The following ZNF592 variants were observed in gnomAD, a reference collection of about 807,000 sequenced individuals.
The protein encoded by ZNF592 is zinc finger protein 592, also known as spinocerebellar ataxia, autosomal recessive 5.
In ZNF592, 11 loss-of-function variants were observed where a neutral mutation model predicts 80.3. The observed-to-expected ratio is 0.14, with a 90% CI of 0.09 to 0.23. ZNF592 has a LOEUF of 0.23. Ranked by LOEUF, ZNF592 falls within the 10% of genes least tolerant of loss-of-function variation. The pLI, the probability that ZNF592 is intolerant of heterozygous loss-of-function variation, is 1.00. For missense variants in ZNF592, 1,420 were observed against 1,633.9 expected, an observed-to-expected ratio of 0.87 and a Z score of 2.26; for synonymous variants, 646 against 640.3, an observed-to-expected ratio of 1.01 and a Z score of -0.13.
chr15:84,796,282 TATATATATATATAAA>T (rs1962916959), intron 5 of ZNF592, among the ~76,000 whole-genome samples: 1 of 52,330 alleles, frequency 1.9e-5, no homozygotes, highest in Non-Finnish European at 3.1e-5. Context: ...TATATATATA[TATATATATATATAAA>T]AAAACGAAGG....
chr15:84,793,946 T>G (rs1367154215), intron 5 of ZNF592, among the ~76,000 whole-genome samples: 1 of 152,164 alleles, frequency 6.6e-6, no homozygotes, highest in East Asian at 1.9e-4. Flanking sequence ...GAATAATGAA[T>G]AATATGAATA....
chr15:84,798,408 C>T lies in ZNF592; in HGVS notation c.2670C>T (p.Gly890=). 6.2e-7 allele frequency: 1 copy of T among 1,614,132 alleles called. No individual in the cohort carries two copies. Among genetic ancestry groups the T allele is most frequent in the Non-Finnish European group, 8.5e-7 (1 of 1,180,014 alleles). ...AGAATGTCAGCAAGACGCAGGTGGG[C>T]GTCTTCAAGTGCCCTGAGTGCCCAC... ...FYQNVSKTQV[G]VFKCPECPLL... The change falls in exon 7 of 11, where the codon GGC becomes GGT. Residue 890 remains glycine (G), a synonymous_variant. Coordinates refer to ENST00000560079, the MANE Select transcript of ZNF592 (RefSeq NM_014630.3). The surrounding 1 kb of genome is among the most constrained non-coding windows in gnomAD (Gnocchi z 4.5).
chr15:84,784,874 A>C lies in ZNF592; in HGVS notation c.2199A>C (p.Thr733=). Residue 733 remains threonine (T), a synonymous_variant, in exon 4 of 11, where the codon ACA becomes ACC. Coordinates refer to ENST00000560079, the MANE Select transcript of ZNF592 (RefSeq NM_014630.3). This position sits in a 1 kb window ranked among gnomAD's most constrained non-coding sequence, Gnocchi z 5.8. Reference sequence around the variant, plus strand: ...TCCTGGCTGCACATTTCCAGAGGACAACAGAGGAGACAGAGGGGCTGGTAA... The same window carrying C: ...TCCTGGCTGCACATTTCCAGAGGACCACAGAGGAGACAGAGGGGCTGGTAA... The part of the protein sequence containing the change: ...YMVLAAHFQR[T]TEETEGLTCQ... The C allele has an allele frequency of 6.2e-7, 1 of 1,614,140 alleles. No homozygotes were observed. Among genetic ancestry groups the C allele is most frequent in the Non-Finnish European group, 8.5e-7 (1 of 1,180,028 alleles).
At chr15:84,757,626 T>C (rs1442667501) in intron 1 of ZNF592, among the ~76,000 whole-genome samples, 3 of 152,006 alleles carry the variant, frequency 2.0e-5, no homozygotes, top group African/African-American at 7.3e-5. Flanking sequence ...AATGTGGGAT[T>C]ACAGGTGTGA....
At chr15:84,787,971 A>C (rs536202586) in intron 4 of ZNF592, among the ~76,000 whole-genome samples, 1 of 152,202 alleles carries the variant, frequency 6.6e-6, no homozygotes, top group Non-Finnish European at 1.5e-5. Flanking sequence ...TTCCAGAACA[A>C]TTCTGGGTTT....
At chr15:84,758,372 A>G (rs977034691) in intron 1 of ZNF592, among the ~76,000 whole-genome samples, 41 of 151,244 alleles carry the variant, frequency 2.7e-4, no homozygotes, top group Admixed American at 2.6e-3. Context: ...AGCTTTGACC[A>G]ACCAGGCTTA....
At chr15:84,758,858 C>G (rs983908856) in intron 1 of ZNF592, among the ~76,000 whole-genome samples, 10 of 151,888 alleles carry the variant, frequency 6.6e-5, no homozygotes, top group Admixed American at 5.9e-4. Context: ...GCTGGGAAGT[C>G]TAGGATGTAG....
Position 84,798,028 on chromosome 15 carries a change from GC to G in ZNF592, c.2563del (p.His855ThrfsTer53), listed in dbSNP as rs1567077230. ...DHSATQHPTQ[P>X]HRPSQLIYKC... ...ACAGTGCCACCCAGCACCCCACCCA[GC>G]CCCACAGACCCTCCCAGTGAGTGCA... On this transcript the variant is annotated frameshift_variant, in exon 6 of 11. Transcript: ENST00000560079. LOFTEE classifies it high-confidence loss of function. The surrounding 1 kb of genome is among the most constrained non-coding windows in gnomAD (Gnocchi z 4.5). 6.2e-7 allele frequency: 1 copy of G among 1,613,928 alleles called. No homozygotes were observed. The highest frequency in any genetic ancestry group is 8.5e-7 in the Non-Finnish European group (1 of 1,180,024).
chr15:84,768,059 TAA>T (rs373015497), intron 2 of ZNF592, among the ~76,000 whole-genome samples: 24,873 of 142,786 alleles, frequency 0.17, 2,935 homozygotes, highest in Middle Eastern at 0.33. Flanking sequence ...ATTTTAATTT[TAA>T]TTTTTTTTTT....
Position 84,805,303 on chromosome 15 carries a change from A to G in ZNF592, c.*2910A>G, listed in dbSNP as rs1446496976. The G allele has an allele frequency of 6.6e-6, 1 of 152,216 alleles. No homozygotes were observed. The highest frequency in any genetic ancestry group is 1.9e-4 in the East Asian group (1 of 5,202). The allele number at this position is 152,216 out of a possible 1,614,324, so 9.4% of individuals were successfully genotyped here. On this transcript the variant is annotated 3_prime_UTR_variant, in exon 11 of 11. Transcript: ENST00000560079. ...CTCACAGGGAACACACAGTTCCCTC[A>G]GAGTCCAGCATCTTCTGGTCTTTTC...
intron 1 of ZNF592, among the ~76,000 whole-genome samples, chr15:84,752,517 T>C (rs1899042456): frequency 6.6e-6 from 1 of 152,162 alleles, no homozygotes; most frequent in Non-Finnish European, 1.5e-5. Context: ...AAGAACATTC[T>C]AGGTAGATAG....
chr15:84,790,316 C>G lies in ZNF592; in HGVS notation c.2221-389C>G, dbSNP rs78824736. Among the ~76,000 whole-genome samples the G allele has an allele frequency of 8.4e-3, 1,278 of 152,222 alleles. 15 individuals are homozygous for G. Among genetic ancestry groups the G allele is most frequent in the African/African-American group, 0.029 (1,211 of 41,524 alleles). On this transcript the variant is annotated intron_variant, in intron 4 of 10. Coordinates refer to ENST00000560079, the MANE Select transcript of ZNF592 (RefSeq NM_014630.3). ...TGGGGGTAGATGGCAAGAACTGCCT[C>G]TACTGAGCTGTGACAGAGACCCTGG...
At chr15:84,797,792 C>G in intron 5 of ZNF592, 77 bp from the exon 6 acceptor site, 1 of 1,540,400 alleles carries the variant, frequency 6.5e-7, no homozygotes, top group Non-Finnish European at 9.0e-7. Context: ...TTCTCCATCC[C>G]TCCTCTTGCA....
rs746146364 is a variant in ZNF592 at position 84,797,865 on chromosome 15, C to T, written c.2400-4C>T. The T allele has an allele frequency of 1.9e-6, 3 of 1,614,220 alleles. No homozygotes were observed. The highest frequency in any genetic ancestry group is 2.5e-6 in the Non-Finnish European group (3 of 1,180,034). ...CACACTCACACTACCCCACTTCTGTCTAGGTGCATCCACTGTGGTGTCGTC... is the reference window on the plus strand; with the variant it reads ...CACACTCACACTACCCCACTTCTGTTTAGGTGCATCCACTGTGGTGTCGTC... On this transcript the variant is annotated splice_region_variant and splice_polypyrimidine_tract_variant and intron_variant, in intron 5 of 10. Coordinates refer to ENST00000560079, the MANE Select transcript of ZNF592 (RefSeq NM_014630.3).
At chr15:84,778,680 T>A (rs1962336027) in intron 3 of ZNF592, among the ~76,000 whole-genome samples, 1 of 152,176 alleles carries the variant, frequency 6.6e-6, no homozygotes, top group Non-Finnish European at 1.5e-5. Context: ...CCTACAACAT[T>A]TCCCCCTGTG....
At chr15:84,767,595 G>C (rs896176246) in intron 2 of ZNF592, among the ~76,000 whole-genome samples, 2 of 152,072 alleles carry the variant, frequency 1.3e-5, no homozygotes, top group African/African-American at 2.4e-5. Context: ...AAAGGTAAAG[G>C]GGGTACGGGT....
Position 84,783,177 on chromosome 15 carries a change from T to C in ZNF592, c.502T>C (p.Tyr168His), listed in dbSNP as rs913187265. The C allele has an allele frequency of 6.2e-7, 1 of 1,614,152 alleles. No individual in the cohort carries two copies. The highest frequency in any genetic ancestry group is 8.5e-7 in the Non-Finnish European group (1 of 1,180,036). The change falls in exon 4 of 11, where the codon TAT becomes CAT. Residue 168 changes from tyrosine (Y) to histidine (H), a missense_variant. Physicochemically the swap from Tyr to His is moderately conservative, Grantham distance 83. This residue lies in a region of ZNF592 where 373 missense variants were observed against 355.5 expected (regional missense o/e 1.05). Coordinates refer to ENST00000560079, the MANE Select transcript of ZNF592 (RefSeq NM_014630.3). This position sits in a 1 kb window ranked among gnomAD's most constrained non-coding sequence, Gnocchi z 5.0. ...GATAAAGCCCAAACACTCTGACAGT[T>C]ATTTCCCACCCCCTCTTGGGTGCGG... ...FGIKPKHSDS[Y>H]FPPPLGCGAV...
rs1333180031 is a variant in ZNF592, at chr15:84,784,550, C to G, written c.1875C>G (p.Leu625=). 4 of 1,614,194 alleles carry G rather than the reference C, an allele frequency of 2.5e-6. No individual in the cohort carries two copies. The Admixed American group carries it at 6.7e-5, about 27-fold the overall frequency. The change falls in exon 4 of 11, where the codon CTC becomes CTG. Residue 625 remains leucine, a synonymous_variant. Coordinates refer to ENST00000560079, the MANE Select transcript of ZNF592 (RefSeq NM_014630.3). This position sits in a 1 kb window ranked among gnomAD's most constrained non-coding sequence, Gnocchi z 5.8. ...VLCTLCSKTL[L]FFNKCSLLRH... ...GCACACTGTGCTCCAAGACGCTGCTCTTCTTCAACAAGTGCAGCCTGCTCC... is the reference window on the plus strand; with the variant it reads ...GCACACTGTGCTCCAAGACGCTGCTGTTCTTCAACAAGTGCAGCCTGCTCC...
At chr15:84,767,264 G>C (rs557377832) in intron 2 of ZNF592, among the ~76,000 whole-genome samples, 1 of 152,228 alleles carries the variant, frequency 6.6e-6, no homozygotes, top group African/African-American at 2.4e-5. Context: ...GAGCTCAGGC[G>C]ATCCGCCCGC....
Sources: gnomAD v4.1 joint callset for allele counts (sites outside exome capture counted in the v4.1 genomes callset) on GRCh38, gnomAD v4.1.1 for gene constraint, gnomAD v4.1.1 regional missense constraint, Gnocchi (gnomAD v3.1) non-coding constraint, MANE v1.5 for transcripts, NCBI Gene and HGNC (gene_info 2026-07-23, HGNC 2026-07-21) for gene names.